The following EIF4G3 variants were observed in gnomAD, a reference collection of about 807,000 sequenced individuals.
EIF4G3 encodes the protein eukaryotic translation initiation factor 4 gamma 3.
In EIF4G3, 34 loss-of-function variants were observed where a neutral mutation model predicts 186.4. The observed-to-expected ratio is 0.18, with a 90% CI of 0.14 to 0.24. The LOEUF is 0.24. EIF4G3 is among the 10% of genes least tolerant of loss of function. EIF4G3 has a pLI of 1.00. For synonymous variants in EIF4G3, 673 were observed against 679.5 expected (o/e 0.99, Z 0.15); for missense variants, 1,536 against 1,948.5 (o/e 0.79, Z 3.99).
At chr1:21,105,803 C>T (rs2096607006) in intron 2 of EIF4G3, among the ~76,000 whole-genome samples, 1 of 152,132 alleles carries the variant, frequency 6.6e-6, no homozygotes, top group East Asian at 1.9e-4. Flanking sequence ...AGACTCACTC[C>T]TATAATCCCA....
chr1:20,892,624 G>A (rs1169075868), intron 18 of EIF4G3: 6 of 1,532,370 alleles, frequency 3.9e-6, no homozygotes, highest in Middle Eastern at 3.3e-4. Context: ...CGCACCCCTA[G>A]AGGCAGGCTC....
intron 7 of EIF4G3, among the ~76,000 whole-genome samples, chr1:20,984,430 T>C (rs1048806888): frequency 2.0e-5 from 3 of 151,644 alleles, no homozygotes; most frequent in Non-Finnish European, 2.9e-5. Flanking sequence ...TCCCCCAAAG[T>C]GCTGGGATTA....
At chr1:21,044,262 C>T (rs2093747450) in intron 4 of EIF4G3, among the ~76,000 whole-genome samples, 1 of 152,022 alleles carries the variant, frequency 6.6e-6, no homozygotes, top group Non-Finnish European at 1.5e-5. Flanking sequence ...TGTCATTAAA[C>T]ACTTTACAAA....
intron 15 of EIF4G3, 27 bp from the exon 16 acceptor site, chr1:20,899,970 AC>A: frequency 6.3e-7 from 1 of 1,588,770 alleles, no homozygotes; most frequent in Non-Finnish European, 8.5e-7. Context: ...CAAAGAGGTT[AC>A]ATTTTTTTCC....
chr1:20,938,795 T>C (rs957173371), intron 14 of EIF4G3, among the ~76,000 whole-genome samples: 1 of 152,192 alleles, frequency 6.6e-6, no homozygotes, highest in African/African-American at 2.4e-5. Context: ...GGGTCAGAAA[T>C]GCTTCTGAGG....
intron 7 of EIF4G3, among the ~76,000 whole-genome samples, chr1:20,992,779 C>A (rs2081397937): frequency 6.6e-6 from 1 of 152,140 alleles, no homozygotes; most frequent in African/African-American, 2.4e-5. Context: ...AACACTTGAT[C>A]TCTATTGTGA....
intron 2 of EIF4G3, among the ~76,000 whole-genome samples, chr1:21,148,113 C>G (rs180946200): frequency 6.6e-6 from 1 of 152,286 alleles, no homozygotes; most frequent in East Asian, 1.9e-4. Flanking sequence ...GTCACCCAAG[C>G]TGGAATGTGC....
intron 4 of EIF4G3, among the ~76,000 whole-genome samples, chr1:21,011,176 C>T (rs2086933322): frequency 6.7e-6 from 1 of 150,354 alleles, no homozygotes; most frequent in Non-Finnish European, 1.5e-5. Flanking sequence ...TATTCTTCAT[C>T]CCTAAGCCTT....
chr1:21,152,782 C>A (rs2097573722), intron 2 of EIF4G3, among the ~76,000 whole-genome samples: 1 of 152,132 alleles, frequency 6.6e-6, no homozygotes, highest in Non-Finnish European at 1.5e-5. Flanking sequence ...ATGGTATAAT[C>A]TTCCAAATAA....
chr1:20,906,725 T>C (rs1039089799), intron 14 of EIF4G3, among the ~76,000 whole-genome samples: 3 of 152,058 alleles, frequency 2.0e-5, no homozygotes, highest in African/African-American at 7.2e-5. Flanking sequence ...ATTTAAAGTC[T>C]TGATTTAAAA....
intron 7 of EIF4G3, among the ~76,000 whole-genome samples, chr1:20,994,620 C>A: frequency 7.1e-6 from 1 of 140,746 alleles, no homozygotes. Flanking sequence ...ATATAATAAA[C>A]ATATATACTT....
At chr1:20,830,020 T>C (rs1039732596) in intron 30 of EIF4G3, among the ~76,000 whole-genome samples, 3 of 152,216 alleles carry the variant, frequency 2.0e-5, no homozygotes, top group African/African-American at 7.2e-5. Context: ...ACTTTGTTAA[T>C]TATTTCCACA....
intron 12 of EIF4G3, among the ~76,000 whole-genome samples, chr1:20,954,625 T>C (rs993011573): frequency 3.3e-5 from 5 of 151,652 alleles, no homozygotes; most frequent in African/African-American, 9.7e-5. Context: ...CTTTCTTACG[T>C]AGGAATTTCT....
intron 3 of EIF4G3, among the ~76,000 whole-genome samples, chr1:21,084,865 A>G (rs1459633796): frequency 2.6e-5 from 4 of 151,936 alleles, no homozygotes; most frequent in Admixed American, 6.6e-5. Context: ...TACTGTATAT[A>G]TATTTGTTTG....
chr1:20,932,882 G>A (rs1450139324), intron 14 of EIF4G3, among the ~76,000 whole-genome samples: 1 of 152,036 alleles, frequency 6.6e-6, no homozygotes, highest in African/African-American at 2.4e-5. Flanking sequence ...TCAACACAGA[G>A]TTACCACAAA....
chr1:21,078,122 GCATT>G (rs1179474960), intron 3 of EIF4G3, among the ~76,000 whole-genome samples: 4 of 152,250 alleles, frequency 2.6e-5, no homozygotes, highest in South Asian at 4.1e-4. Context: ...AGAATTTATA[GCATT>G]CATTTATTTA....
At chr1:21,022,062 A>G (rs1008087339) in intron 4 of EIF4G3, among the ~76,000 whole-genome samples, 4 of 152,228 alleles carry the variant, frequency 2.6e-5, no homozygotes, top group African/African-American at 9.6e-5. Flanking sequence ...GTGCAAAAAT[A>G]CCTCAACGAT....
At chr1:20,836,422 T>A (rs925264607) in intron 30 of EIF4G3, among the ~76,000 whole-genome samples, 1 of 150,552 alleles carries the variant, frequency 6.6e-6, no homozygotes, top group South Asian at 2.1e-4. Context: ...TTTTTGTTAA[T>A]TTTTTTTACA....
chr1:20,854,950 A>G (rs1258959150), intron 26 of EIF4G3, 28 bp downstream of exon 26: 12 of 1,586,488 alleles, frequency 7.6e-6, no homozygotes, highest in African/African-American at 1.3e-5. Context: ...AGCCACAGCC[A>G]GGTTTGAGAA....
Sources: gnomAD v4.1 joint callset for allele counts (sites outside exome capture counted in the v4.1 genomes callset) on GRCh38, gnomAD v4.1.1 for gene constraint, MANE v1.5 for transcripts, NCBI Gene and HGNC (gene_info 2026-07-23, HGNC 2026-07-21) for gene names.